The following CLIC6 variants were observed in gnomAD, a reference collection of about 807,000 sequenced individuals.
The protein encoded by CLIC6 is CLIC family member 6.
Under a neutral mutation model 49.2 loss-of-function variants are expected in CLIC6, and 39 were observed. The ratio of observed to expected loss-of-function variants is 0.79; its 90% CI spans 0.61 to 1.04. The LOEUF is 1.04. Ranked by LOEUF, CLIC6 falls within the 50% of genes least tolerant of loss-of-function variation. The probability of loss-of-function intolerance (pLI) is 0.00; values close to 1 mark genes in which losing one functional copy is unlikely to be tolerated. For synonymous variants in CLIC6, 446 were observed against 433.4 expected, an observed-to-expected ratio of 1.03 and a Z score of -0.36; for missense variants, 988 against 993.1, an observed-to-expected ratio of 0.99 and a Z score of 0.07.
intron 1 of CLIC6, among the ~76,000 whole-genome samples, chr21:34,694,076 C>CA (rs1405802809): frequency 3.4e-5 from 5 of 148,922 alleles, no homozygotes; most frequent in African/African-American, 1.2e-4. Flanking sequence ...GGGTTCACGT[C>CA]ATTCTCCTGC....
In CLIC6 at chr21:34,670,211, C is replaced by T; in HGVS notation, c.823C>T (p.Pro275Ser). The T allele has an allele frequency of 7.1e-7, 1 of 1,406,170 alleles. No homozygotes were observed. The highest frequency in any genetic ancestry group is 9.2e-7 in the Non-Finnish European group (1 of 1,087,376). The allele number at this position is 1,406,170 out of a possible 1,614,324, so 87.1% of individuals were successfully genotyped here. A position where few individuals can be genotyped will look rare whatever the true frequency, so the allele number is the denominator to read the frequency against. The change falls in exon 1 of 6, where the codon CCG becomes TCG. Residue 275 changes from proline (P) to serine (S), a missense_variant. By Grantham distance (74) the Pro-to-Ser change is moderately conservative (BLOSUM62 -1). Around this residue, in one of 3 missense-constraint regions of CLIC6, gnomAD observed 647 missense variants for 596.9 expected, o/e 1.08. Coordinates refer to ENST00000349499, the MANE Select transcript of CLIC6 (RefSeq NM_053277.3). ...GGGGGACAGCGTAGAAGCCGAAGGC[C>T]CGGCGGGGGACAGCATGGACGCCGA... ...PAGDSVEAEG[P>S]AGDSMDAEGP... is the part of the protein sequence containing the mutation.
chr21:34,704,422 G>C (rs539508773), intron 1 of CLIC6, among the ~76,000 whole-genome samples: 3 of 152,170 alleles, frequency 2.0e-5, no homozygotes, highest in Admixed American at 2.0e-4. Flanking sequence ...AGCAATTTGC[G>C]ATGAGGCAAT....
intron 1 of CLIC6, among the ~76,000 whole-genome samples, chr21:34,681,163 C>G (rs147043453): frequency 6.6e-6 from 1 of 152,202 alleles, no homozygotes; most frequent in Non-Finnish European, 1.5e-5. Flanking sequence ...AACTTGCAAT[C>G]GTGGCAGAAG....
intron 5 of CLIC6, among the ~76,000 whole-genome samples, chr21:34,710,208 C>T (rs1367439869): frequency 7.9e-5 from 12 of 152,060 alleles, no homozygotes. Context: ...AGCCCAGGAA[C>T]CTGAGGCTGC....
intron 1 of CLIC6, among the ~76,000 whole-genome samples, chr21:34,693,979 T>C (rs912918667): frequency 4.1e-4 from 57 of 140,668 alleles, no homozygotes; most frequent in Admixed American, 7.7e-4. Context: ...TGTTTTCTTT[T>C]TTTTTTTTTT....
chr21:34,709,438 A>G lies in CLIC6; in HGVS notation c.1799A>G (p.Tyr600Cys). 6.2e-7 allele frequency: 1 copy of G among 1,614,040 alleles called. No individual in the cohort carries two copies. Among genetic ancestry groups the G allele is most frequent in the Non-Finnish European group, 8.5e-7 (1 of 1,179,894 alleles). ...CCTCTGCCTGATGAAATAGATGCCT[A>G]CAGCACCGAGGATGTCACTGTTTCT... is the stretch of plus-strand genomic sequence containing the variant. ...NSPLPDEIDA[Y>C]STEDVTVSGR... is the part of the protein sequence containing the mutation. The change falls in exon 5 of 6, where the codon TAC becomes TGC. Residue 600 changes from tyrosine (Y) to cysteine (C), a missense_variant. Physicochemically the swap from Tyr to Cys is radical, Grantham distance 194 (BLOSUM62 -2). Coordinates refer to ENST00000349499, the MANE Select transcript of CLIC6 (RefSeq NM_053277.3).
chr21:34,676,660 G>C (rs113565219), intron 1 of CLIC6, among the ~76,000 whole-genome samples: 1 of 152,208 alleles, frequency 6.6e-6, no homozygotes, highest in African/African-American at 2.4e-5. Context: ...TGCAGCAGCA[G>C]CAGGAGGACC....
chr21:34,673,008 A>G (rs1255172488), intron 1 of CLIC6, among the ~76,000 whole-genome samples: 1 of 152,156 alleles, frequency 6.6e-6, no homozygotes, highest in East Asian at 1.9e-4. Context: ...CCCTGCCATT[A>G]CTTATTTTAT....
chr21:34,671,958 T>C (rs1253245471), intron 1 of CLIC6, among the ~76,000 whole-genome samples: 1 of 152,178 alleles, frequency 6.6e-6, no homozygotes. Flanking sequence ...CCTGAGAGGC[T>C]GCTGGGAAGA....
intron 1 of CLIC6, among the ~76,000 whole-genome samples, chr21:34,689,059 G>A (rs774929230): frequency 5.3e-5 from 8 of 152,156 alleles, no homozygotes; most frequent in East Asian, 1.9e-4. Flanking sequence ...CAGCTCTCTC[G>A]CAGTTCAAAG....
chr21:34,694,224 CTGCCTCAGCCTCCGAAAG>C (rs71196906), intron 1 of CLIC6, among the ~76,000 whole-genome samples: 25,265 of 150,894 alleles, frequency 0.17, 2,155 homozygotes, highest in Non-Finnish European at 0.19. Flanking sequence ...CATGATCCTC[CTGCCTCAGCCTCCGAAAG>C]TGTTGGGATT....
chr21:34,697,019 A>G (rs893332452), intron 1 of CLIC6, among the ~76,000 whole-genome samples: 4 of 151,896 alleles, frequency 2.6e-5, no homozygotes, highest in Non-Finnish European at 4.4e-5. Context: ...GGGTCTTCTG[A>G]TTGGACTTGG....
intron 1 of CLIC6, among the ~76,000 whole-genome samples, chr21:34,686,033 C>G (rs1288387410): frequency 6.6e-6 from 1 of 152,170 alleles, no homozygotes; most frequent in Non-Finnish European, 1.5e-5. Context: ...AATTTGCAAC[C>G]TCAGGCATAA....
chr21:34,686,697 G>T (rs542971644), intron 1 of CLIC6, among the ~76,000 whole-genome samples: 29 of 152,300 alleles, frequency 1.9e-4, no homozygotes, highest in African/African-American at 6.7e-4. Flanking sequence ...ACCTGTGGGT[G>T]CTCCATTTGA....
At chr21:34,672,724 G>A (rs1426476363) in intron 1 of CLIC6, among the ~76,000 whole-genome samples, 1 of 152,228 alleles carries the variant, frequency 6.6e-6, no homozygotes, top group Non-Finnish European at 1.5e-5. Context: ...TTTAGAGCCA[G>A]TGGGTCTGGG....
chr21:34,715,511 C>A (rs1452961199), intron 5 of CLIC6, among the ~76,000 whole-genome samples: 1 of 152,122 alleles, frequency 6.6e-6, no homozygotes, highest in Non-Finnish European at 1.5e-5. Flanking sequence ...CCTGCTGATA[C>A]CCTGATCTTG....
Position 34,718,055 on chromosome 21 carries a change from AG to A in CLIC6, c.*1578del, listed in dbSNP as rs1200048704. ...TGTCCACGTTGTTTCACATCTGGTTAGGGGGCAGATTTTAAAATGTAGTTTT... is the reference window on the plus strand; with the variant it reads ...TGTCCACGTTGTTTCACATCTGGTTAGGGGCAGATTTTAAAATGTAGTTTT... On this transcript the variant is annotated 3_prime_UTR_variant, in exon 6 of 6. Transcript: ENST00000349499. The A allele has an allele frequency of 6.6e-6, 1 of 152,618 alleles. No individual in the cohort carries two copies. Among genetic ancestry groups the A allele is most frequent in the Non-Finnish European group, 1.5e-5 (1 of 68,034 alleles). The allele number at this position is 152,618 out of a possible 1,614,324, so 9.5% of individuals were successfully genotyped here.
chr21:34,692,818 G>A (rs1990020908), intron 1 of CLIC6, among the ~76,000 whole-genome samples: 1 of 152,210 alleles, frequency 6.6e-6, no homozygotes, highest in African/African-American at 2.4e-5. Context: ...CCTCCAGGGA[G>A]CTGTGCATTT....
At chr21:34,689,535 A>G (rs1216976132) in intron 1 of CLIC6, among the ~76,000 whole-genome samples, 1 of 151,398 alleles carries the variant, frequency 6.6e-6, no homozygotes, top group African/African-American at 2.4e-5. Flanking sequence ...TTGCAAGTCC[A>G]CTTTCTTATA....
Sources: allele counts gnomAD v4.1 joint callset (sites outside exome capture counted in the v4.1 genomes callset), GRCh38; gene constraint gnomAD v4.1.1; regional missense constraint gnomAD v4.1.1; transcripts MANE v1.5; gene names NCBI Gene and HGNC (gene_info 2026-07-23, HGNC 2026-07-21).